ADGRL3: variants seen among roughly 807,000 people sequenced by gnomAD.
ADGRL3 encodes the protein calcium-independent alpha-latrotoxin receptor 3.
A neutral mutation model predicts 153.5 loss-of-function variants in ADGRL3; 62 were observed. The observed-to-expected ratio is 0.40, with a 90% confidence interval of 0.33 to 0.50. The LOEUF is 0.50. Ranked by LOEUF, ADGRL3 falls within the 20% of genes least tolerant of loss-of-function variation. The probability of loss-of-function intolerance (pLI) is 0.47; values close to 1 mark genes in which losing one functional copy is unlikely to be tolerated. For synonymous variants in ADGRL3, 710 were observed against 672.5 expected (o/e 1.06, Z -0.86); for missense variants, 1,641 against 1,859.4 (o/e 0.88, Z 2.16).
chr4:61,388,291 C>CT (rs1439089746), intron 2 of ADGRL3, among the ~76,000 whole-genome samples: 3 of 152,110 alleles, frequency 2.0e-5, no homozygotes, highest in Non-Finnish European at 4.4e-5. Context: ...AGAACAATGC[C>CT]TATCTTAAGG....
intron 17 of ADGRL3, among the ~76,000 whole-genome samples, chr4:61,971,594 T>G (rs2099027983): frequency 6.6e-6 from 1 of 152,056 alleles, no homozygotes; most frequent in Non-Finnish European, 1.5e-5. Flanking sequence ...TCTTTGCTAT[T>G]GTGAATAGTG....
At chr4:61,595,194 C>CA (rs1457491911) in intron 5 of ADGRL3, among the ~76,000 whole-genome samples, 1 of 152,088 alleles carries the variant, frequency 6.6e-6, no homozygotes, top group Non-Finnish European at 1.5e-5. Context: ...GGGTGCAAGA[C>CA]AAAATCCCCT....
At chr4:61,334,241 T>G (rs1464283682) in intron 1 of ADGRL3, among the ~76,000 whole-genome samples, 1 of 152,148 alleles carries the variant, frequency 6.6e-6, no homozygotes, top group Non-Finnish European at 1.5e-5. Context: ...ATGCTTTTTA[T>G]AGTGTACATG....
chr4:61,392,507 G>T (rs2096821619), intron 2 of ADGRL3, among the ~76,000 whole-genome samples: 1 of 151,116 alleles, frequency 6.6e-6, no homozygotes, highest in South Asian at 2.1e-4. Context: ...CCAACATGGT[G>T]AAACCCCATC....
At chr4:61,452,759 C>T (rs866908082) in intron 2 of ADGRL3, among the ~76,000 whole-genome samples, 2 of 152,006 alleles carry the variant, frequency 1.3e-5, no homozygotes, top group Admixed American at 1.3e-4. Flanking sequence ...TATATAAATT[C>T]TCATGATTTA....
intron 24 of ADGRL3, among the ~76,000 whole-genome samples, chr4:62,041,511 A>G (rs1728272973): frequency 6.6e-6 from 1 of 152,016 alleles, no homozygotes; most frequent in Non-Finnish European, 1.5e-5. Flanking sequence ...ACACCTGTGA[A>G]CTCAACATCC....
At chr4:61,489,768 A>T (rs963800449) in intron 2 of ADGRL3, among the ~76,000 whole-genome samples, 1 of 152,024 alleles carries the variant, frequency 6.6e-6, no homozygotes, top group African/African-American at 2.4e-5. Context: ...AAAGATATTT[A>T]AAAAATTGAA....
At chr4:61,808,039 T>A (rs758119195) in intron 8 of ADGRL3, among the ~76,000 whole-genome samples, 2 of 152,138 alleles carry the variant, frequency 1.3e-5, no homozygotes, top group Non-Finnish European at 2.9e-5. Flanking sequence ...ACTGCCACAG[T>A]CTTTCACTGG....
rs557382637 is a variant in ADGRL3, at chr4:61,981,466, G to A, written c.3015+1694G>A. Among the ~76,000 whole-genome samples the A allele has an allele frequency of 2.8e-4, 43 of 151,468 alleles. 1 individual carries two copies. In the South Asian group the frequency reaches 8.3e-3, roughly 29 times the overall value. On this transcript the variant is annotated intron_variant, in intron 18 of 26. Transcript: ENST00000683033. ...ATGAGTTCTGGTCATGTCTTTAATT[G>A]CCAGCCTTGTACGTTATTGCAACCT...
At chr4:61,672,616 C>T (rs2095046166) in intron 5 of ADGRL3, among the ~76,000 whole-genome samples, 1 of 152,026 alleles carries the variant, frequency 6.6e-6, no homozygotes, top group African/African-American at 2.4e-5. Flanking sequence ...ATCAAAACCA[C>T]ACAGTGAGAT....
chr4:62,063,393 T>C, intron 25 of ADGRL3: 3 of 498,916 alleles, frequency 6.0e-6, no homozygotes, highest in Non-Finnish European at 1.1e-5. Context: ...CTGCCTGTAA[T>C]CAGGACTGTA....
At chr4:61,978,340 A>T (rs913038474) in intron 17 of ADGRL3, among the ~76,000 whole-genome samples, 60 of 5,038 alleles carry the variant, frequency 0.012, no homozygotes, top group East Asian at 0.11. Context: ...TTGCTTTTTA[A>T]AAAAAAAATA....
At chr4:61,355,101 T>C (rs911512167) in intron 1 of ADGRL3, among the ~76,000 whole-genome samples, 1 of 152,198 alleles carries the variant, frequency 6.6e-6, no homozygotes, top group Non-Finnish European at 1.5e-5. Context: ...GTTCCTTAAC[T>C]CTCTAGTGGG....
At chr4:61,910,736 C>T (rs2149825101) in intron 12 of ADGRL3, among the ~76,000 whole-genome samples, 1 of 151,630 alleles carries the variant, frequency 6.6e-6, no homozygotes, top group Admixed American at 6.6e-5. Flanking sequence ...GAACATTCTC[C>T]TTTAGAATGA....
chr4:61,896,657 C>G (rs1177289740), intron 11 of ADGRL3, among the ~76,000 whole-genome samples: 1 of 152,102 alleles, frequency 6.6e-6, no homozygotes, highest in African/African-American at 2.4e-5. Flanking sequence ...GATCATTTAG[C>G]AGATGAGCCA....
At chr4:61,880,673 G>A (rs935736374) in intron 9 of ADGRL3, among the ~76,000 whole-genome samples, 7 of 152,162 alleles carry the variant, frequency 4.6e-5, no homozygotes, top group Admixed American at 6.5e-5. Context: ...TGTGGTTGTG[G>A]TAGAATGACT....
intron 17 of ADGRL3, among the ~76,000 whole-genome samples, chr4:61,964,394 CAT>C (rs2098998723): frequency 6.6e-6 from 1 of 152,148 alleles, no homozygotes. Context: ...GGCACAAACA[CAT>C]GATTGAGATT....
At chr4:61,329,795 A>G (rs1446049879) in intron 1 of ADGRL3, among the ~76,000 whole-genome samples, 1 of 152,218 alleles carries the variant, frequency 6.6e-6, no homozygotes, top group Non-Finnish European at 1.5e-5. Context: ...TGTTTAATAT[A>G]AACAATGCTG....
At chr4:61,821,930 C>T (rs1016329964) in intron 9 of ADGRL3, among the ~76,000 whole-genome samples, 1 of 152,098 alleles carries the variant, frequency 6.6e-6, no homozygotes, top group Non-Finnish European at 1.5e-5. Context: ...AAATTGGAAA[C>T]ATTAACACCT....
Sources: gnomAD v4.1 joint callset for allele counts (sites outside exome capture counted in the v4.1 genomes callset) on GRCh38, gnomAD v4.1.1 for gene constraint, MANE v1.5 for transcripts, NCBI Gene and HGNC (gene_info 2026-07-23, HGNC 2026-07-21) for gene names.